The following KIAA1958 variants were observed in gnomAD, a reference collection of about 807,000 sequenced individuals.
The protein encoded by KIAA1958 is KIAA1958, also known as uncharacterized protein KIAA1958.
Under a neutral mutation model 47.2 loss-of-function variants are expected in KIAA1958, and 14 were observed. The observed-to-expected ratio is 0.30, with a 90% CI of 0.20 to 0.46. The LOEUF is 0.46. Ranked by LOEUF, KIAA1958 falls within the 20% of genes least tolerant of loss-of-function variation. The pLI is 1.00. For missense variants in KIAA1958, 803 were observed against 909.2 expected (o/e 0.88, Z 1.50); for synonymous variants, 354 against 353.3 (o/e 1.00, Z -0.02).
chr9:112,533,292 G>A (rs1348621307), intron 1 of KIAA1958, among the ~76,000 whole-genome samples: 1 of 151,884 alleles, frequency 6.6e-6, no homozygotes, highest in East Asian at 1.9e-4. Context: ...GTTTGGCCAG[G>A]CACGGTGGCT....
At chr9:112,650,336 A>G (rs1288345789) in intron 3 of KIAA1958, among the ~76,000 whole-genome samples, 1 of 152,198 alleles carries the variant, frequency 6.6e-6, no homozygotes, top group Non-Finnish European at 1.5e-5. Context: ...TTGAAATGGC[A>G]TATAAAATTT....
chr9:112,574,029 G>A (rs1002879848), intron 1 of KIAA1958, 28 bp from the exon 2 acceptor site: 7 of 1,188,116 alleles, frequency 5.9e-6, no homozygotes, highest in Non-Finnish European at 8.4e-6. Context: ...GGTAATAATG[G>A]CTTCTTCTTT....
intron 2 of KIAA1958, among the ~76,000 whole-genome samples, chr9:112,633,515 T>C (rs1836746269): frequency 6.6e-6 from 1 of 152,164 alleles, no homozygotes; most frequent in African/African-American, 2.4e-5. Flanking sequence ...GAAGTACTTA[T>C]TATACTTACT....
chr9:112,522,058 G>A (rs903681513), intron 1 of KIAA1958, among the ~76,000 whole-genome samples: 20 of 151,924 alleles, frequency 1.3e-4, no homozygotes, highest in Admixed American at 1.2e-3. Flanking sequence ...TGCAACCTCC[G>A]CCTCCCAGGT....
At chr9:112,516,201 T>A (rs1303626163) in intron 1 of KIAA1958, among the ~76,000 whole-genome samples, 1 of 151,972 alleles carries the variant, frequency 6.6e-6, no homozygotes, top group Non-Finnish European at 1.5e-5. Context: ...TCTAGCACTT[T>A]GAGAGGCCAA....
At chr9:112,552,050 G>C (rs1835160463) in intron 1 of KIAA1958, among the ~76,000 whole-genome samples, 1 of 152,218 alleles carries the variant, frequency 6.6e-6, no homozygotes, top group Non-Finnish European at 1.5e-5. Context: ...TGGGTAGTTT[G>C]AATGGGGACT....
intron 2 of KIAA1958, among the ~76,000 whole-genome samples, chr9:112,642,378 T>C (rs1418175454): frequency 1.3e-5 from 2 of 152,250 alleles, no homozygotes; most frequent in East Asian, 3.8e-4. Context: ...ATTTCTTTGC[T>C]TTTCTTAGCT....
chr9:112,655,449 C>T (rs1440370864), intron 3 of KIAA1958, among the ~76,000 whole-genome samples: 7 of 152,164 alleles, frequency 4.6e-5, no homozygotes, highest in Non-Finnish European at 7.4e-5. Context: ...ATCATTTTTA[C>T]GTTCTACAAT....
chr9:112,613,126 C>G (rs189250201), intron 2 of KIAA1958, among the ~76,000 whole-genome samples: 4 of 152,198 alleles, frequency 2.6e-5, no homozygotes, highest in Admixed American at 6.5e-5. Flanking sequence ...AAGAGGGAAA[C>G]TTGGTAACAA....
chr9:112,651,067 A>G (rs1275460779), intron 3 of KIAA1958, among the ~76,000 whole-genome samples: 1 of 152,232 alleles, frequency 6.6e-6, no homozygotes, highest in Non-Finnish European at 1.5e-5. Flanking sequence ...AAAAATTGCA[A>G]ATCCACAATT....
At chr9:112,587,202 T>G (rs547079611) in intron 2 of KIAA1958, among the ~76,000 whole-genome samples, 97 of 152,284 alleles carry the variant, frequency 6.4e-4, no homozygotes, top group Non-Finnish European at 6.3e-4. Flanking sequence ...CAGACTGGAG[T>G]GCAGTGGCGC....
At chr9:112,578,991 A>G (rs897207975) in intron 2 of KIAA1958, among the ~76,000 whole-genome samples, 1 of 151,670 alleles carries the variant, frequency 6.6e-6, no homozygotes, top group African/African-American at 2.4e-5. Flanking sequence ...TAAGCAATCC[A>G]TTTTTGCCTA....
intron 1 of KIAA1958, among the ~76,000 whole-genome samples, chr9:112,553,315 G>A (rs1004258030): frequency 6.6e-6 from 1 of 151,830 alleles, no homozygotes; most frequent in African/African-American, 2.4e-5. Context: ...AGCCTCCCAA[G>A]TAGCTGGGAC....
intron 1 of KIAA1958, among the ~76,000 whole-genome samples, chr9:112,554,128 C>T (rs1237674902): frequency 6.6e-6 from 1 of 152,110 alleles, no homozygotes; most frequent in Non-Finnish European, 1.5e-5. Flanking sequence ...TATGTCTCAG[C>T]ATTTATCAAA....
intron 1 of KIAA1958, among the ~76,000 whole-genome samples, chr9:112,561,299 C>T (rs1194598575): frequency 1.3e-5 from 2 of 152,042 alleles, no homozygotes; most frequent in Non-Finnish European, 2.9e-5. Context: ...CGCGATCTGC[C>T]TGCCTCGGCC....
At chr9:112,603,982 T>C (rs1012876005) in intron 2 of KIAA1958, among the ~76,000 whole-genome samples, 18 of 152,224 alleles carry the variant, frequency 1.2e-4, no homozygotes, top group African/African-American at 4.3e-4. Context: ...TAGTCTTCTC[T>C]TAAATGAAAA....
chr9:112,586,432 A>T lies in KIAA1958; in HGVS notation c.1171+11181A>T, dbSNP rs528558578. ...TGTTTACTAGTATCTGAAAGGCAAAAGTAGAAAGGCAGATTGCTCTGTGTT... is the reference window on the plus strand; with the variant it reads ...TGTTTACTAGTATCTGAAAGGCAAATGTAGAAAGGCAGATTGCTCTGTGTT... On this transcript the variant is annotated intron_variant, in intron 2 of 3. Coordinates refer to ENST00000337530, the MANE Select transcript of KIAA1958 (RefSeq NM_133465.4). Among the ~76,000 whole-genome samples the T allele has an allele frequency of 3.3e-3, 498 of 152,352 alleles. 4 individuals are homozygous for T. Among genetic ancestry groups the T allele is most frequent in the Non-Finnish European group, 6.0e-3 (411 of 68,032 alleles).
intron 1 of KIAA1958, among the ~76,000 whole-genome samples, chr9:112,526,691 A>G (rs181361289): frequency 2.6e-5 from 4 of 152,180 alleles, no homozygotes; most frequent in Non-Finnish European, 5.9e-5. Context: ...AGAGAGCAAG[A>G]TGGGGATAAA....
intron 1 of KIAA1958, among the ~76,000 whole-genome samples, chr9:112,547,959 A>G (rs1232385129): frequency 6.6e-6 from 1 of 150,732 alleles, no homozygotes; most frequent in Non-Finnish European, 1.5e-5. Context: ...GTCTGTAGAT[A>G]ATAGCTTAAC....
Sources: gnomAD v4.1 joint callset for allele counts (sites outside exome capture counted in the v4.1 genomes callset) on GRCh38, gnomAD v4.1.1 for gene constraint, MANE v1.5 for transcripts, NCBI Gene and HGNC (gene_info 2026-07-23, HGNC 2026-07-21) for gene names.